The following ZBTB46 variants were observed in gnomAD, a reference collection of about 807,000 sequenced individuals.
ZBTB46 encodes zinc finger and BTB domain-containing protein 46.
A neutral mutation model predicts 44.1 loss-of-function variants in ZBTB46; 8 were observed. The observed-to-expected ratio is 0.18, with a 90% CI of 0.11 to 0.33. The LOEUF is 0.33. ZBTB46 is among the 10% of genes least tolerant of loss of function. The probability of loss-of-function intolerance (pLI) is 1.00; values close to 1 mark genes in which losing one functional copy is unlikely to be tolerated. For synonymous variants in ZBTB46, 409 were observed against 382.3 expected (o/e 1.07, Z -0.81); for missense variants, 651 against 847.7 (o/e 0.77, Z 2.88).
chr20:63,794,812 C>G (rs1474926059), intron 1 of ZBTB46, among the ~76,000 whole-genome samples: 1 of 152,238 alleles, frequency 6.6e-6, no homozygotes, highest in Non-Finnish European at 1.5e-5. Context: ...AACGGACACA[C>G]CCCTGGCCAC....
intron 4 of ZBTB46, among the ~76,000 whole-genome samples, chr20:63,749,578 T>A (rs183373034): frequency 0.011 from 1,649 of 152,288 alleles, 24 homozygotes; most frequent in African/African-American, 0.038. Flanking sequence ...CCTCGTGATC[T>A]GCCCGCCTTG....
At chr20:63,771,081 C>CG (rs1555841471) in intron 3 of ZBTB46, among the ~76,000 whole-genome samples, 4 of 151,888 alleles carry the variant, frequency 2.6e-5, no homozygotes, top group Admixed American at 6.6e-5. Context: ...GCAGGGGCTA[C>CG]TCGCCCTCCC....
Position 63,756,975 on chromosome 20 carries a change from T to C in ZBTB46, c.1223-4114A>G, listed in dbSNP as rs115965481. On this transcript the variant is annotated intron_variant, in intron 3 of 4. Coordinates refer to ENST00000245663, the MANE Select transcript of ZBTB46 (RefSeq NM_001369741.1). ...TTTTGGTGACTTAAGTTCTCATTATTTCTGTTGGGCATGCCCTGGCGGGGA... is the reference window on the plus strand; with the variant it reads ...TTTTGGTGACTTAAGTTCTCATTATCTCTGTTGGGCATGCCCTGGCGGGGA... Among the ~76,000 whole-genome samples the C allele has an allele frequency of 2.7e-3, 417 of 152,378 alleles. 4 individuals are homozygous for C. The highest frequency in any genetic ancestry group is 9.6e-3 in the African/African-American group (401 of 41,596).
At chr20:63,768,324 C>A (rs2092337793) in intron 3 of ZBTB46, among the ~76,000 whole-genome samples, 1 of 152,222 alleles carries the variant, frequency 6.6e-6, no homozygotes, top group African/African-American at 2.4e-5. Flanking sequence ...ACCAAGGAGG[C>A]TCATGCCTGT....
chr20:63,795,412 C>G (rs374231214), intron 1 of ZBTB46, among the ~76,000 whole-genome samples: 1 of 152,336 alleles, frequency 6.6e-6, no homozygotes, highest in Non-Finnish European at 1.5e-5. Flanking sequence ...GTGCACAGGA[C>G]GCGGTGCAGT....
At chr20:63,793,175 G>A (rs62219892) in intron 1 of ZBTB46, among the ~76,000 whole-genome samples, 36,697 of 152,104 alleles carry the variant, frequency 0.24, 4,500 homozygotes, top group Middle Eastern at 0.36. Flanking sequence ...GCCCCATCCC[G>A]CCCCACACTG....
intron 4 of ZBTB46, among the ~76,000 whole-genome samples, chr20:63,749,314 T>C (rs1361812537): frequency 6.7e-6 from 1 of 149,392 alleles, no homozygotes; most frequent in Non-Finnish European, 1.5e-5. Flanking sequence ...AACTGCTCCT[T>C]TGGGCTTTTG....
intron 3 of ZBTB46, among the ~76,000 whole-genome samples, chr20:63,763,991 G>C (rs2092298140): frequency 6.6e-6 from 1 of 151,408 alleles, no homozygotes; most frequent in South Asian, 2.1e-4. Flanking sequence ...TTAAATAAGA[G>C]ACGGCCTTGC....
chr20:63,785,388 C>G (rs2315655), intron 2 of ZBTB46, among the ~76,000 whole-genome samples: 36,021 of 151,408 alleles, frequency 0.24, 4,370 homozygotes, highest in Middle Eastern at 0.35. Flanking sequence ...TGGTGAAACC[C>G]CGTCTCTACT....
chr20:63,780,237 C>T (rs2092457944), intron 2 of ZBTB46, among the ~76,000 whole-genome samples: 1 of 151,652 alleles, frequency 6.6e-6, no homozygotes, highest in Admixed American at 6.6e-5. Context: ...CACCATTGCA[C>T]TCCAGCCTGG....
chr20:63,766,824 G>A (rs2092324366), intron 3 of ZBTB46, among the ~76,000 whole-genome samples: 1 of 152,238 alleles, frequency 6.6e-6, no homozygotes, highest in African/African-American at 2.4e-5. Context: ...TGGAGATGGG[G>A]ACCGTCCGGA....
intron 1 of ZBTB46, among the ~76,000 whole-genome samples, chr20:63,810,096 G>T (rs963883910): frequency 1.3e-5 from 2 of 152,240 alleles, no homozygotes; most frequent in Non-Finnish European, 2.9e-5. Flanking sequence ...GCGTGGGGAT[G>T]AGGCCTACAG....
chr20:63,830,174 TTG>T (rs2146116995), intron 1 of ZBTB46, among the ~76,000 whole-genome samples: 2 of 152,298 alleles, frequency 1.3e-5, no homozygotes, highest in South Asian at 4.1e-4. Context: ...TCCAGCCCTA[TTG>T]TGTGTGCTTC....
chr20:63,796,291 C>A (rs1044419507), intron 1 of ZBTB46, among the ~76,000 whole-genome samples: 1 of 152,242 alleles, frequency 6.6e-6, no homozygotes, highest in African/African-American at 2.4e-5. Context: ...GGGCACAAGG[C>A]AGGGAGGGCG....
intron 4 of ZBTB46, among the ~76,000 whole-genome samples, chr20:63,750,576 A>AC (rs1309243677): frequency 6.6e-6 from 1 of 151,702 alleles, no homozygotes; most frequent in South Asian, 2.1e-4. Context: ...GGGAATTATG[A>AC]CCCCCTGAAG....
At chr20:63,786,155 C>G (rs919315947) in intron 2 of ZBTB46, among the ~76,000 whole-genome samples, 11 of 152,194 alleles carry the variant, frequency 7.2e-5, no homozygotes, top group East Asian at 1.9e-4. Flanking sequence ...AATAAACCCC[C>G]CAAAGCCGTG....
intron 3 of ZBTB46, 107 bp downstream of exon 3, chr20:63,775,571 A>C (rs948992552): frequency 4.9e-6 from 7 of 1,428,440 alleles, no homozygotes; most frequent in African/African-American, 2.9e-5. Context: ...CAGGCGGCCG[A>C]GCAGCAGGGA....
At chr20:63,808,893 C>CGGGAACCCGGGGGGCGGAGCTTGCGGTGA (rs2092699648) in intron 1 of ZBTB46, among the ~76,000 whole-genome samples, 1 of 136,940 alleles carries the variant, frequency 7.3e-6, no homozygotes, top group Non-Finnish European at 1.5e-5. Context: ...AGGAGAATGG[C>CGGGAACCCGGGGGGCGGAGCTTGCGGTGA]GGGAACCCGG....
upstream of ZBTB46, among the ~76,000 whole-genome samples, chr20:63,831,996 G>A (rs988174390): frequency 6.6e-6 from 1 of 152,016 alleles, no homozygotes; most frequent in Non-Finnish European, 1.5e-5. Flanking sequence ...TCGGGCGCAG[G>A]CCTCGTGGGG....
Sources: gnomAD v4.1 joint callset for allele counts (sites outside exome capture counted in the v4.1 genomes callset) on GRCh38, gnomAD v4.1.1 for gene constraint, MANE v1.5 for transcripts, NCBI Gene and HGNC (gene_info 2026-07-23, HGNC 2026-07-21) for gene names.